Variants in PCDH15 observed in about 807,000 individuals in gnomAD.
PCDH15 encodes the protein protocadherin related 15.
A neutral mutation model predicts 178.5 loss-of-function variants in PCDH15; 129 were observed. The ratio of observed to expected loss-of-function variants is 0.72; its 90% CI spans 0.63 to 0.84. The LOEUF is 0.84. Among genes scored for constraint, PCDH15 ranks in the 40% least tolerant of loss-of-function variants. The pLI, the probability that PCDH15 is intolerant of heterozygous loss-of-function variation, is 0.00. For missense variants in PCDH15, 2,230 were observed against 2,099.9 expected (o/e 1.06, Z -1.21); for synonymous variants, 800 against 732.0 (o/e 1.09, Z -1.50).
At position 53,827,394 on chromosome 10, in the gene PCDH15, T is replaced by C. The variant is rs757417801; in HGVS notation, c.4366A>G (p.Ile1456Val). The C allele has an allele frequency of 6.2e-6, 10 of 1,611,534 alleles. No homozygotes were observed. In the East Asian group the frequency reaches 1.1e-4, roughly 18 times the overall value. ...HLYEELGDSS[I>V]WSFCWQLVIC... ...AGAGTTCCTGAACGGTCTACTTACA[T>C]TGAGCTGTCTCCAAGTTCTTCATAG... Residue 1456 changes from isoleucine to valine, a missense_variant and splice_region_variant, in exon 32 of 38, where the codon ATT (isoleucine) becomes GTT (valine). By Grantham distance (29) the Ile-to-Val change is conservative. Transcript: ENST00000644397.
intron 2 of PCDH15, among the ~76,000 whole-genome samples, chr10:55,589,510 A>G (rs1842794136): frequency 1.3e-5 from 2 of 152,008 alleles, no homozygotes; most frequent in Admixed American, 1.3e-4. Context: ...AGAAACTACC[A>G]TCAGAGTGAA....
At chr10:54,203,953 C>T (rs2134004800) in intron 10 of PCDH15, among the ~76,000 whole-genome samples, 1 of 152,214 alleles carries the variant, frequency 6.6e-6, no homozygotes, top group Admixed American at 6.5e-5. Flanking sequence ...ATTATATATC[C>T]TGTCTTTCTT....
chr10:54,042,216 C>T (rs1246829527), intron 18 of PCDH15, among the ~76,000 whole-genome samples: 2 of 151,956 alleles, frequency 1.3e-5, no homozygotes, highest in Non-Finnish European at 2.9e-5. Context: ...TTTAGGGAAT[C>T]CTATTAATTA....
At position 55,101,153 on chromosome 10, in the gene PCDH15, C is replaced by T. The variant is rs182864104; in HGVS notation, c.-80+65423G>A. Among the ~76,000 whole-genome samples the T allele has an allele frequency of 3.2e-3, 484 of 151,904 alleles. 3 individuals are homozygous for T. The highest frequency in any genetic ancestry group is 0.011 in the African/African-American group (472 of 41,436). Reference sequence around the variant, plus strand: ...CAGCACTTTGGGAGGCAGAGGCGAGCGGATCACCTGAGGTCAGGAGTTTGA... The same window carrying T: ...CAGCACTTTGGGAGGCAGAGGCGAGTGGATCACCTGAGGTCAGGAGTTTGA... On this transcript the variant is annotated intron_variant, in intron 2 of 5. Transcript: ENST00000458638.
intron 2 of PCDH15, among the ~76,000 whole-genome samples, chr10:55,039,196 T>C (rs769236834): frequency 4.0e-5 from 6 of 150,812 alleles, no homozygotes; most frequent in Non-Finnish European, 5.9e-5. Flanking sequence ...TCTCCCAGAA[T>C]ACAGAAAAAA....
At chr10:55,301,008 G>C (rs1564984721) in intron 1 of PCDH15, among the ~76,000 whole-genome samples, 1 of 152,070 alleles carries the variant, frequency 6.6e-6, no homozygotes. Flanking sequence ...ACCTTTTGAA[G>C]GACATCTGTG....
chr10:55,138,895 AC>A lies in PCDH15; in HGVS notation c.-80+27680del, dbSNP rs1838274854. 3.3e-5 allele frequency among the ~76,000 whole-genome samples: 5 copies of A among 152,178 alleles called. No individual in the cohort carries two copies. In the South Asian group the frequency reaches 1.0e-3, roughly 32 times the overall value. ...TATGTCCCTTTGTATATTTTTTTAAACCCAGTATAATGTTGAGATTTATCTA... is the reference window on the plus strand; with the variant it reads ...TATGTCCCTTTGTATATTTTTTTAAACCAGTATAATGTTGAGATTTATCTA... On this transcript the variant is annotated intron_variant, in intron 2 of 5. Transcript: ENST00000458638.
intron 2 of PCDH15, among the ~76,000 whole-genome samples, chr10:55,097,338 A>T (rs1345757543): frequency 6.6e-6 from 1 of 152,114 alleles, no homozygotes; most frequent in Admixed American, 6.6e-5. Flanking sequence ...CTTAAGAAGT[A>T]AAGTAACCTG....
At chr10:53,808,479 G>A in intron 37 of PCDH15, 2 of 1,363,908 alleles carry the variant, frequency 1.5e-6, no homozygotes, top group Non-Finnish European at 1.9e-6. Flanking sequence ...TACTAATATA[G>A]GAAGGATTAG....
At chr10:53,813,898 CTG>C (rs954555224) in intron 35 of PCDH15, among the ~76,000 whole-genome samples, 4 of 152,122 alleles carry the variant, frequency 2.6e-5, no homozygotes, top group African/African-American at 7.2e-5. Context: ...CATGTGCACT[CTG>C]TAAAAATTCA....
chr10:54,538,128 A>G (rs2084784323), intron 2 of PCDH15, among the ~76,000 whole-genome samples: 1 of 152,184 alleles, frequency 6.6e-6, no homozygotes, highest in African/African-American at 2.4e-5. Flanking sequence ...TGTAGGTCCC[A>G]CTTGTCAATT....
intron 2 of PCDH15, among the ~76,000 whole-genome samples, chr10:54,997,235 G>A (rs1839671774): frequency 6.6e-6 from 1 of 152,218 alleles, no homozygotes; most frequent in Non-Finnish European, 1.5e-5. Context: ...GTAAACTGGT[G>A]AGTTCATGTT....
At chr10:54,495,455 T>C (rs561703787) in intron 3 of PCDH15, among the ~76,000 whole-genome samples, 2 of 152,290 alleles carry the variant, frequency 1.3e-5, no homozygotes, top group Non-Finnish European at 2.9e-5. Context: ...ACGTTTTACA[T>C]AGAACTCGAT....
chr10:54,400,575 T>C (rs1013042975), intron 3 of PCDH15, among the ~76,000 whole-genome samples: 4 of 152,118 alleles, frequency 2.6e-5, no homozygotes, highest in Non-Finnish European at 5.9e-5. Context: ...TGTATTGGGC[T>C]ATGAATATGC....
chr10:54,309,321 ACAC>A, intron 8 of PCDH15, among the ~76,000 whole-genome samples: 1 of 16,078 alleles, frequency 6.2e-5, no homozygotes, highest in African/African-American at 5.7e-4. Context: ...ATACGTACAT[ACAC>A]ACACACACAC....
At chr10:54,030,364 T>C (rs1000472588) in intron 18 of PCDH15, among the ~76,000 whole-genome samples, 13 of 108,964 alleles carry the variant, frequency 1.2e-4, no homozygotes, top group Middle Eastern at 4.9e-3. Flanking sequence ...AGATGTACAA[T>C]AGTTGTCTTT....
At chr10:54,258,972 C>G (rs938398919) in intron 8 of PCDH15, among the ~76,000 whole-genome samples, 7 of 152,056 alleles carry the variant, frequency 4.6e-5, no homozygotes, top group Admixed American at 4.6e-4. Flanking sequence ...AAGTTTTTTT[C>G]CATATATCCT....
At chr10:55,178,191 T>C (rs949827931) in intron 1 of PCDH15, among the ~76,000 whole-genome samples, 2 of 152,120 alleles carry the variant, frequency 1.3e-5, no homozygotes, top group Non-Finnish European at 2.9e-5. Flanking sequence ...GTGGCATTGA[T>C]ACATTGTGAA....
At chr10:54,293,697 G>A (rs1217279948) in intron 8 of PCDH15, among the ~76,000 whole-genome samples, 2 of 152,184 alleles carry the variant, frequency 1.3e-5, no homozygotes, top group Non-Finnish European at 2.9e-5. Context: ...CATTTATGCA[G>A]CCAACAGACA....
Sources: allele counts gnomAD v4.1 joint callset (sites outside exome capture counted in the v4.1 genomes callset), GRCh38; gene constraint gnomAD v4.1.1; transcripts MANE v1.5; gene names NCBI Gene and HGNC (gene_info 2026-07-23, HGNC 2026-07-21).